Variants in AP1S3 observed in about 807,000 individuals in gnomAD.
AP1S3 encodes adaptor related protein complex 1 subunit sigma 3.
A neutral mutation model predicts 20.9 loss-of-function variants in AP1S3; 10 were observed. The observed-to-expected ratio is 0.48, with a 90% CI of 0.29 to 0.81. AP1S3 has a LOEUF of 0.81. AP1S3 is among the 30% of genes least tolerant of loss of function. The pLI is 0.08. For synonymous variants in AP1S3, 41 were observed against 61.5 expected (o/e 0.67, Z 1.56); for missense variants, 154 against 183.8 (o/e 0.84, Z 0.94).
In AP1S3 at chr2:223,757,833, A is replaced by G; in HGVS notation, c.*882T>C. On this transcript the variant is annotated 3_prime_UTR_variant, in exon 5 of 5. Transcript: ENST00000396654. ...TTCAAATGCATTAGAGATACATTAAAACATATTTGAAATGAAATTTCCAGC... is the reference window on the plus strand; with the variant it reads ...TTCAAATGCATTAGAGATACATTAAGACATATTTGAAATGAAATTTCCAGC... 1 of 985,328 alleles carries G rather than the reference A, an allele frequency of 1.0e-6. No homozygotes were observed. The highest frequency in any genetic ancestry group is 1.2e-6 in the Non-Finnish European group (1 of 829,822). 61.0% of individuals were successfully genotyped at this position (985,328 alleles called of 1,614,324 possible).
rs867032340 is a variant in AP1S3, at chr2:223,755,529, A to T, written c.*3186T>A. ...CATATAGATATGTTTACTTACTTTC[A>T]TTTTTTTTTTTTTTTTTTTGAGACA... On this transcript the variant is annotated 3_prime_UTR_variant, in exon 5 of 5. Coordinates refer to ENST00000396654, the MANE Select transcript of AP1S3 (RefSeq NM_001039569.2). Among the ~76,000 whole-genome samples the T allele has an allele frequency of 2.3e-3, 272 of 118,202 alleles. 2 individuals are homozygous for T. The highest frequency in any genetic ancestry group is 7.9e-3 in the African/African-American group (254 of 32,060). The allele number at this position is 118,202 out of a possible 152,430, so 77.5% of individuals were successfully genotyped here.
At position 223,757,034 on chromosome 2, in the gene AP1S3, G is replaced by A. The variant is rs625353; in HGVS notation, c.*1681C>T. Reference sequence around the variant, plus strand: ...GAGACGCAGTCTTGCTCTGTCACCCGCCTGGAGTGCACTGGTATGACCTTG... The same window carrying A: ...GAGACGCAGTCTTGCTCTGTCACCCACCTGGAGTGCACTGGTATGACCTTG... On this transcript the variant is annotated 3_prime_UTR_variant, in exon 5 of 5. Coordinates refer to ENST00000396654, the MANE Select transcript of AP1S3 (RefSeq NM_001039569.2). The A allele has an allele frequency of 3.9e-5, 38 of 969,578 alleles. No individual in the cohort carries two copies. Among genetic ancestry groups the A allele is most frequent in the Non-Finnish European group, 4.4e-5 (36 of 819,416 alleles). The allele number at this position is 969,578 out of a possible 1,614,324, so 60.1% of individuals were successfully genotyped here. A position where few individuals can be genotyped will look rare whatever the true frequency, so the allele number is the denominator to read the frequency against.
rs1167839401 is a variant in AP1S3 at position 223,756,290 on chromosome 2, T to A, written c.*2425A>T. 6.7e-6 allele frequency among the ~76,000 whole-genome samples: 1 copy of A among 148,154 alleles called. No homozygotes were observed. Among genetic ancestry groups the A allele is most frequent in the Non-Finnish European group, 1.5e-5 (1 of 67,470 alleles). ...AGACGGAGGCTGCAGTGACCTGAGA[T>A]CACACCATTGCACTCTGGCCTGGGT... On this transcript the variant is annotated 3_prime_UTR_variant, in exon 5 of 5. Coordinates refer to ENST00000396654, the MANE Select transcript of AP1S3 (RefSeq NM_001039569.2).
rs925308478 is a variant in AP1S3 at position 223,756,252 on chromosome 2, G to A, written c.*2463C>T. Among the ~76,000 whole-genome samples, 8 of 152,024 alleles carry A rather than the reference G, an allele frequency of 5.3e-5. No individual in the cohort carries two copies. Among genetic ancestry groups the A allele is most frequent in the Admixed American group, 3.3e-4 (5 of 15,244 alleles). ...CTCGGGAGGCTGAGGCAGGAGAATC[G>A]TTTGAACCCAGGAGACGGAGGCTGC... On this transcript the variant is annotated 3_prime_UTR_variant, in exon 5 of 5. Transcript: ENST00000396654.
intron 1 of AP1S3, among the ~76,000 whole-genome samples, chr2:223,832,404 CTGGTGAGGAGTAAATA>C (rs1692292741): frequency 6.6e-6 from 1 of 151,970 alleles, no homozygotes; most frequent in African/African-American, 2.4e-5. Flanking sequence ...AGTAACAATC[CTGGTGAGGAGTAAATA>C]CAAGTCTCAC....
intron 1 of AP1S3, among the ~76,000 whole-genome samples, chr2:223,822,671 C>T (rs1485453018): frequency 1.3e-5 from 2 of 151,646 alleles, no homozygotes; most frequent in African/African-American, 4.8e-5. Flanking sequence ...GCAATAAGAG[C>T]AAAACTCCAT....
At chr2:223,780,302 T>C (rs866188277) in intron 1 of AP1S3, among the ~76,000 whole-genome samples, 3 of 49,620 alleles carry the variant, frequency 6.0e-5, no homozygotes, top group African/African-American at 2.7e-4. Flanking sequence ...TATATATATA[T>C]ATATATAGAG....
chr2:223,814,548 T>C (rs7600912), intron 1 of AP1S3, among the ~76,000 whole-genome samples: 50,864 of 151,816 alleles, frequency 0.34, 8,840 homozygotes, highest in Middle Eastern at 0.42. Flanking sequence ...ATCAGGGATT[T>C]GAACATGGGG....
chr2:223,810,292 C>T (rs1416953123), intron 1 of AP1S3, among the ~76,000 whole-genome samples: 3 of 151,938 alleles, frequency 2.0e-5, no homozygotes, highest in Non-Finnish European at 4.4e-5. Context: ...GATCCCACAC[C>T]CACCCCTCTC....
chr2:223,827,922 G>A (rs563180220), intron 1 of AP1S3, among the ~76,000 whole-genome samples: 176 of 151,572 alleles, frequency 1.2e-3, no homozygotes, highest in South Asian at 3.3e-3. Context: ...AGCTGGGTGT[G>A]GTAGCAGGTG....
chr2:223,807,892 T>TTTTTTC (rs1691625676), intron 1 of AP1S3, among the ~76,000 whole-genome samples: 1 of 132,060 alleles, frequency 7.6e-6, no homozygotes, highest in Non-Finnish European at 1.6e-5. Context: ...TTTTTTTTTT[T>TTTTTTC]GGAGACAAGG....
In AP1S3 at chr2:223,773,925, G is replaced by A. The variant is rs533484218; in HGVS notation, c.291+1976C>T. On this transcript the variant is annotated intron_variant, in intron 3 of 4. Coordinates refer to ENST00000396654, the MANE Select transcript of AP1S3 (RefSeq NM_001039569.2). ...TGCTATCAAGTCTGGCCCACAGCTG[G>A]TTACAAGTTAAGCGGTGGGGGGATA... Among the ~76,000 whole-genome samples the A allele has an allele frequency of 2.6e-5, 4 of 152,318 alleles. No homozygotes were observed. The East Asian group carries it at 7.7e-4, about 29-fold the overall frequency.
At chr2:223,778,314 C>T (rs1665136) in intron 1 of AP1S3, among the ~76,000 whole-genome samples, 5 of 151,788 alleles carry the variant, frequency 3.3e-5, no homozygotes, top group Non-Finnish European at 4.4e-5. Flanking sequence ...TTAGTAGAGA[C>T]GGGGATTCAC....
intron 1 of AP1S3, among the ~76,000 whole-genome samples, chr2:223,787,869 C>G (rs903764981): frequency 6.6e-6 from 1 of 152,190 alleles, no homozygotes; most frequent in African/African-American, 2.4e-5. Context: ...GCTCCGGCCC[C>G]CAGAGTCAGT....
chr2:223,771,715 T>C (rs1178091480), intron 3 of AP1S3, among the ~76,000 whole-genome samples: 3 of 152,246 alleles, frequency 2.0e-5, no homozygotes, highest in Non-Finnish European at 4.4e-5. Context: ...CATGTACTTA[T>C]TAAATGATGC....
At chr2:223,810,345 AT>A (rs1175874974) in intron 1 of AP1S3, among the ~76,000 whole-genome samples, 1 of 151,760 alleles carries the variant, frequency 6.6e-6, no homozygotes, top group Non-Finnish European at 1.5e-5. Context: ...CAGGGTCTCC[AT>A]CTATCACCTA....
At chr2:223,775,145 C>A (rs1357880256) in intron 3 of AP1S3, among the ~76,000 whole-genome samples, 1 of 152,102 alleles carries the variant, frequency 6.6e-6, no homozygotes, top group Non-Finnish European at 1.5e-5. Context: ...CTGGTGTCAA[C>A]CCGCAGGAGG....
At chr2:223,770,085 GT>G in intron 3 of AP1S3, 1 of 1,450,792 alleles carries the variant, frequency 6.9e-7, no homozygotes, top group Non-Finnish European at 9.2e-7. Context: ...AGAGGGACAT[GT>G]AAAAATATGC....
At chr2:223,764,421 C>T (rs911298287) in intron 4 of AP1S3, among the ~76,000 whole-genome samples, 4 of 152,002 alleles carry the variant, frequency 2.6e-5, no homozygotes, top group South Asian at 4.2e-4. Flanking sequence ...CTCACAGTGT[C>T]CTGGGAGGAA....
Sources: allele counts gnomAD v4.1 joint callset (sites outside exome capture counted in the v4.1 genomes callset), GRCh38; gene constraint gnomAD v4.1.1; transcripts MANE v1.5; gene names NCBI Gene and HGNC (gene_info 2026-07-23, HGNC 2026-07-21).